RBFOX1: variants seen among roughly 807,000 people sequenced by gnomAD.
The protein encoded by RBFOX1 is RNA binding fox-1 homolog 1.
A neutral mutation model predicts 57.7 loss-of-function variants in RBFOX1; 8 were observed. The ratio of observed to expected loss-of-function variants is 0.14; its 90% CI spans 0.08 to 0.25. The LOEUF (loss-of-function observed/expected upper bound fraction) is 0.25, where lower values mean the gene tolerates loss of function less well. Among genes scored for constraint, RBFOX1 ranks in the 10% least tolerant of loss-of-function variants. The pLI is 1.00. For synonymous variants in RBFOX1, 326 were observed against 222.4 expected, an observed-to-expected ratio of 1.47 and a Z score of -4.15; for missense variants, 611 against 548.5, an observed-to-expected ratio of 1.11 and a Z score of -1.14.
chr16:6,842,370 G>C (rs2093524408), intron 3 of RBFOX1, among the ~76,000 whole-genome samples: 1 of 151,994 alleles, frequency 6.6e-6, no homozygotes, highest in African/African-American at 2.4e-5. Context: ...TGCACATATA[G>C]AGAAGAAATG....
chr16:7,360,165 G>A (rs780554093), intron 4 of RBFOX1, among the ~76,000 whole-genome samples: 2 of 152,030 alleles, frequency 1.3e-5, no homozygotes, highest in Admixed American at 6.6e-5. Context: ...TATTTAATAC[G>A]CTACATGCAT....
At chr16:6,827,079 T>G (rs1308274525) in intron 3 of RBFOX1, among the ~76,000 whole-genome samples, 1 of 152,222 alleles carries the variant, frequency 6.6e-6, no homozygotes, top group Non-Finnish European at 1.5e-5. Flanking sequence ...AAGATTTCTT[T>G]GCACATACTT....
At chr16:7,671,673 T>C in intron 13 of RBFOX1, 1 of 1,358,760 alleles carries the variant, frequency 7.4e-7, no homozygotes, top group Non-Finnish European at 1.1e-6. Context: ...ACTAACAAGA[T>C]AATTCTGGGG....
intron 3 of RBFOX1, among the ~76,000 whole-genome samples, chr16:6,975,351 C>T (rs777695588): frequency 7.2e-5 from 11 of 152,128 alleles, no homozygotes; most frequent in East Asian, 1.9e-4. Flanking sequence ...CTGCAATCTC[C>T]GACTCCTGGG....
chr16:6,870,924 T>A (rs1446589412), intron 3 of RBFOX1, among the ~76,000 whole-genome samples: 1 of 152,178 alleles, frequency 6.6e-6, no homozygotes, highest in Non-Finnish European at 1.5e-5. Context: ...AAATCAGACT[T>A]TTTCCATTTC....
At chr16:6,058,823 C>T (rs995164406) in intron 1 of RBFOX1, among the ~76,000 whole-genome samples, 1 of 115,632 alleles carries the variant, frequency 8.6e-6, no homozygotes. Context: ...CACTTACCCA[C>T]TCATTTATTT....
intron 3 of RBFOX1, among the ~76,000 whole-genome samples, chr16:6,807,568 A>G (rs1450536618): frequency 6.6e-6 from 1 of 152,134 alleles, no homozygotes; most frequent in Non-Finnish European, 1.5e-5. Context: ...CTGTAATCCC[A>G]GCACTTTGGG....
Position 7,708,457 on chromosome 16 carries a change from G to C in RBFOX1, c.996-599G>C, listed in dbSNP as rs76125776. On this transcript the variant is annotated intron_variant, in intron 14 of 15. Transcript: ENST00000550418. ...AACCTGGCCATGGATTAATGTGACA[G>C]AAGTTCTGGAATAATAGGATCAAAA... 4.3e-3 allele frequency among the ~76,000 whole-genome samples: 652 copies of C among 152,108 alleles called. 2 individuals carry two copies. Among genetic ancestry groups the C allele is most frequent in the African/African-American group, 0.014 (596 of 41,508 alleles).
intron 3 of RBFOX1, among the ~76,000 whole-genome samples, chr16:5,799,159 A>T (rs1045404019): frequency 1.3e-5 from 2 of 152,138 alleles, no homozygotes; most frequent in Non-Finnish European, 2.9e-5. Flanking sequence ...ACAAGAGATA[A>T]TGAAATCCAA....
chr16:5,600,268 C>G (rs1261567910), downstream of RBFOX1: 1 of 151,236 alleles, frequency 6.6e-6, no homozygotes, highest in African/African-American at 2.4e-5. Flanking sequence ...GCCACTGCAC[C>G]CCAGCCTGGA....
chr16:5,673,054 C>A (rs985845179), intron 3 of RBFOX1, among the ~76,000 whole-genome samples: 3 of 152,058 alleles, frequency 2.0e-5, no homozygotes, highest in African/African-American at 7.2e-5. Flanking sequence ...GCGCCTCCAC[C>A]CGCTTCCAGC....
intron 2 of RBFOX1, among the ~76,000 whole-genome samples, chr16:5,517,327 C>T (rs1292849671): frequency 6.6e-6 from 1 of 152,190 alleles, no homozygotes; most frequent in Non-Finnish European, 1.5e-5. Flanking sequence ...CCCTGTTTTT[C>T]TGCTCAGCTA....
intron 3 of RBFOX1, among the ~76,000 whole-genome samples, chr16:5,798,969 A>C (rs1421156977): frequency 6.6e-6 from 1 of 151,902 alleles, no homozygotes; most frequent in Non-Finnish European, 1.5e-5. Flanking sequence ...GCCACTCTGA[A>C]ACTCAGATCC....
intron 1 of RBFOX1, among the ~76,000 whole-genome samples, chr16:5,360,878 C>G (rs961695586): frequency 6.6e-6 from 1 of 152,128 alleles, no homozygotes; most frequent in African/African-American, 2.4e-5. Flanking sequence ...TAGCATGAAC[C>G]TGCTTTCCCA....
chr16:7,647,620 C>T (rs1453692946), intron 11 of RBFOX1, among the ~76,000 whole-genome samples: 2 of 151,668 alleles, frequency 1.3e-5, no homozygotes, highest in Admixed American at 1.3e-4. Flanking sequence ...TTTCCCCTAA[C>T]ATTGTTTTTT....
At chr16:6,545,404 T>C (rs1316438392) in intron 2 of RBFOX1, among the ~76,000 whole-genome samples, 1 of 152,166 alleles carries the variant, frequency 6.6e-6, no homozygotes, top group African/African-American at 2.4e-5. Context: ...TCTCTCTCTT[T>C]CTCTCCAGGC....
intron 2 of RBFOX1, among the ~76,000 whole-genome samples, chr16:6,603,626 G>A (rs1422991165): frequency 6.6e-6 from 1 of 152,138 alleles, no homozygotes; most frequent in East Asian, 1.9e-4. Flanking sequence ...CCGGGCAGCC[G>A]CTATGTGCAG....
intron 1 of RBFOX1, among the ~76,000 whole-genome samples, chr16:6,123,477 A>G (rs180974024): frequency 9.8e-5 from 15 of 152,342 alleles, no homozygotes; most frequent in African/African-American, 3.4e-4. Flanking sequence ...TGAAAGTAGA[A>G]TAGAGGTTAC....
intron 4 of RBFOX1, among the ~76,000 whole-genome samples, chr16:7,492,056 A>G (rs980307933): frequency 2.6e-5 from 4 of 152,144 alleles, no homozygotes; most frequent in Non-Finnish European, 4.4e-5. Context: ...CCATGCTTGT[A>G]TGTTGTGGAA....
Sources: allele counts gnomAD v4.1 joint callset (sites outside exome capture counted in the v4.1 genomes callset), GRCh38; gene constraint gnomAD v4.1.1; transcripts MANE v1.5; gene names NCBI Gene and HGNC (gene_info 2026-07-23, HGNC 2026-07-21).